SEC23A: variants seen among roughly 807,000 people sequenced by gnomAD.
The protein encoded by SEC23A is SEC23 homolog A, COPII component, also known as protein transport protein Sec23A.
A neutral mutation model predicts 103.7 loss-of-function variants in SEC23A; 56 were observed. The observed-to-expected ratio is 0.54, with a 90% CI of 0.44 to 0.67. SEC23A has a LOEUF of 0.67. Among genes scored for constraint, SEC23A ranks in the 30% least tolerant of loss-of-function variants. The pLI is 0.00. For missense variants in SEC23A, 784 were observed against 936.4 expected, an observed-to-expected ratio of 0.84 and a Z score of 2.12; for synonymous variants, 281 against 293.0, an observed-to-expected ratio of 0.96 and a Z score of 0.42.
intron 15 of SEC23A, 37 bp downstream of exon 15, chr14:39,048,615 A>G: frequency 7.4e-7 from 1 of 1,357,476 alleles, no homozygotes. Context: ...AAGGAAAAAA[A>G]AGAAAAGAAA....
At chr14:39,046,734 C>A (rs928952231) in intron 15 of SEC23A, among the ~76,000 whole-genome samples, 2 of 152,136 alleles carry the variant, frequency 1.3e-5, no homozygotes, top group African/African-American at 2.4e-5. Context: ...CCACCTACTC[C>A]TCACATGAAA....
intron 12 of SEC23A, 85 bp downstream of exon 12, chr14:39,063,239 A>C: frequency 1.2e-6 from 1 of 822,626 alleles, no homozygotes; most frequent in Non-Finnish European, 2.1e-6. Flanking sequence ...TATAGGAAAA[A>C]AAATATGAAC....
At chr14:39,054,246 G>C (rs1169863256) in intron 14 of SEC23A, among the ~76,000 whole-genome samples, 1 of 151,594 alleles carries the variant, frequency 6.6e-6, no homozygotes, top group African/African-American at 2.4e-5. Context: ...TTGAACTCCA[G>C]CCTGGGTGAC....
At position 39,032,725 on chromosome 14, in the gene SEC23A, T is replaced by C. The variant is rs1885341513; in HGVS notation, c.*514A>G. ...AATCAAATAATTCCTAAACAAATCA[T>C]AAAAATAAATCTGCCTTAACCTAGT... On this transcript the variant is annotated 3_prime_UTR_variant, in exon 20 of 20. Coordinates refer to ENST00000307712, the MANE Select transcript of SEC23A (RefSeq NM_006364.4). 1 of 152,562 alleles carries C rather than the reference T, an allele frequency of 6.6e-6. No homozygotes were observed. The highest frequency in any genetic ancestry group is 6.5e-5 in the Admixed American group (1 of 15,282). 9.5% of individuals were successfully genotyped at this position (152,562 alleles called of 1,614,324 possible).
At chr14:39,042,461 C>A (rs1463893068) in intron 17 of SEC23A, among the ~76,000 whole-genome samples, 2 of 152,198 alleles carry the variant, frequency 1.3e-5, no homozygotes, top group Non-Finnish European at 2.9e-5. Context: ...TGCCCACTGA[C>A]AAAGGCTGAC....
chr14:39,078,344 G>T (rs992987857), intron 7 of SEC23A, among the ~76,000 whole-genome samples: 1 of 152,082 alleles, frequency 6.6e-6, no homozygotes, highest in African/African-American at 2.4e-5. Flanking sequence ...ACAATAAATT[G>T]TACTGGATTA....
intron 5 of SEC23A, chr14:39,087,631 T>A (rs1257867620): frequency 1.3e-5 from 2 of 152,556 alleles, no homozygotes; most frequent in African/African-American, 4.8e-5. Context: ...TCTAGACAAA[T>A]GAAAATAATG....
In SEC23A at chr14:39,063,385, C is replaced by G; in HGVS notation, c.1337G>C (p.Trp446Ser). ...AGTGGGACTAAGTCCACATATCTTC[C>G]ACTGACATGTGCCACCTGTTCCTAT... Reference protein sequence around the residue: ...NEIGTGGTCQWKICGLSPTTT... With the variant: ...NEIGTGGTCQSKICGLSPTTT... Residue 446 changes from tryptophan to serine, a missense_variant, in exon 12 of 20, where the codon TGG becomes TCG. Around this residue, in one of 2 missense-constraint regions of SEC23A, gnomAD observed 683 missense variants for 774.2 expected, o/e 0.88. Coordinates refer to ENST00000307712, the MANE Select transcript of SEC23A (RefSeq NM_006364.4). 6.2e-7 allele frequency: 1 copy of G among 1,611,200 alleles called. No individual in the cohort carries two copies. The highest frequency in any genetic ancestry group is 8.5e-7 in the Non-Finnish European group (1 of 1,177,702).
chr14:39,053,731 C>A (rs143189764), intron 14 of SEC23A, among the ~76,000 whole-genome samples: 47 of 152,210 alleles, frequency 3.1e-4, no homozygotes, highest in African/African-American at 1.1e-3. Flanking sequence ...CACAGAAATT[C>A]GACAGCTTAG....
At position 39,040,808 on chromosome 14, in the gene SEC23A, A is replaced by C; in HGVS notation, c.2066T>G (p.Val689Gly). Reference protein sequence around the residue: ...ENFRHLLQAPVDDAQEILHSR... With the variant: ...ENFRHLLQAPGDDAQEILHSR... ...GTGAAGAATTTCCTGTGCATCATCC[A>C]CTGGGGCTTGCAGAAGGTGGCGGAA... Residue 689 changes from valine to glycine, a missense_variant, in exon 18 of 20, where the codon GTG (valine) becomes GGG (glycine). By Grantham distance (109) the Val-to-Gly change is moderately radical. Around this residue, in one of 2 missense-constraint regions of SEC23A, gnomAD observed 101 missense variants for 162.2 expected, o/e 0.62. Coordinates refer to ENST00000307712, the MANE Select transcript of SEC23A (RefSeq NM_006364.4). The C allele has an allele frequency of 6.2e-7, 1 of 1,614,152 alleles. No homozygotes were observed. Among genetic ancestry groups the C allele is most frequent in the Admixed American group, 1.7e-5 (1 of 60,026 alleles).
chr14:39,084,124 C>T (rs113182593), intron 7 of SEC23A, among the ~76,000 whole-genome samples: 10,935 of 151,524 alleles, frequency 0.072, 1,319 homozygotes, highest in African/African-American at 0.25. Flanking sequence ...CGGGTTCAAG[C>T]GATTCTCCTG....
At chr14:39,056,055 T>C (rs1030245519) in intron 13 of SEC23A, among the ~76,000 whole-genome samples, 5 of 152,372 alleles carry the variant, frequency 3.3e-5, no homozygotes, top group Admixed American at 3.3e-4. Context: ...CACATAAGCC[T>C]GAGTTATGAA....
chr14:39,092,846 CATTT>C, intron 3 of SEC23A: 1 of 525,704 alleles, frequency 1.9e-6, no homozygotes, highest in Non-Finnish European at 3.3e-6. Context: ...GGTTTTTTTT[CATTT>C]GTTTGTTTGT....
At chr14:39,047,475 G>C (rs1304360817) in intron 15 of SEC23A, 4 of 1,021,438 alleles carry the variant, frequency 3.9e-6, no homozygotes, top group East Asian at 6.6e-5. Context: ...AGATCAATCA[G>C]CAATAAAGGA....
At chr14:39,073,974 G>A (rs1479261904) in intron 9 of SEC23A, among the ~76,000 whole-genome samples, 1 of 152,080 alleles carries the variant, frequency 6.6e-6, no homozygotes, top group Non-Finnish European at 1.5e-5. Flanking sequence ...AGAGGGTGGT[G>A]AGAAGAAAAA....
At chr14:39,065,247 C>A (rs963742654) in intron 10 of SEC23A, among the ~76,000 whole-genome samples, 4 of 152,144 alleles carry the variant, frequency 2.6e-5, no homozygotes, top group Admixed American at 2.6e-4. Context: ...CTCATCCTGA[C>A]TTCACACTTC....
chr14:39,042,882 A>G lies in SEC23A; in HGVS notation c.1900-10T>C, dbSNP rs189849576. On this transcript the variant is annotated splice_polypyrimidine_tract_variant and intron_variant, in intron 16 of 19. Transcript: ENST00000307712. ...TATCAAGAAGAACCGGCTAACGTAA[A>G]GAAAACAATGAGAAATGAGGAAAAA... 329 of 1,582,080 alleles carry G rather than the reference A, an allele frequency of 2.1e-4. 1 individual carries two copies. In the African/African-American group the frequency reaches 3.9e-3, roughly 19 times the overall value.
intron 6 of SEC23A, 130 bp from the exon 7 acceptor site, chr14:39,086,036 T>C (rs1471600849): frequency 1.5e-5 from 12 of 809,114 alleles, no homozygotes; most frequent in Non-Finnish European, 2.5e-5. Context: ...TTCTCAAACT[T>C]TCGTGTATAT....
intron 13 of SEC23A, among the ~76,000 whole-genome samples, chr14:39,057,999 G>T (rs916428870): frequency 2.6e-5 from 4 of 152,158 alleles, no homozygotes; most frequent in Admixed American, 2.0e-4. Flanking sequence ...CAGTCTAAGG[G>T]ATTAATTTGA....
Sources: allele counts gnomAD v4.1 joint callset (sites outside exome capture counted in the v4.1 genomes callset), GRCh38; gene constraint gnomAD v4.1.1; regional missense constraint gnomAD v4.1.1; transcripts MANE v1.5; gene names NCBI Gene and HGNC (gene_info 2026-07-23, HGNC 2026-07-21).